Variants in PHLDB2 observed in about 807,000 individuals in gnomAD.
PHLDB2 encodes the protein pleckstrin homology-like domain family B member 2.
PHLDB2 carries 71 observed loss-of-function variants against 123.6 expected under a neutral mutation model. The observed-to-expected ratio is 0.57, with a 90% CI of 0.47 to 0.70. The LOEUF (loss-of-function observed/expected upper bound fraction) is 0.70, where lower values mean the gene tolerates loss of function less well. Ranked by LOEUF, PHLDB2 falls within the 30% of genes least tolerant of loss-of-function variation. The pLI, the probability that PHLDB2 is intolerant of heterozygous loss-of-function variation, is 0.00. For synonymous variants in PHLDB2, 547 were observed against 541.6 expected, an observed-to-expected ratio of 1.01 and a Z score of -0.14; for missense variants, 1,446 against 1,519.5, an observed-to-expected ratio of 0.95 and a Z score of 0.80.
chr3:111,865,145 G>A (rs1190711970), intron 1 of PHLDB2, among the ~76,000 whole-genome samples: 2 of 152,208 alleles, frequency 1.3e-5, no homozygotes, highest in African/African-American at 4.8e-5. Context: ...AGAGGGGATT[G>A]AGAAGTGATG....
chr3:111,854,006 G>T (rs2064374254), intron 2 of PHLDB2, among the ~76,000 whole-genome samples: 1 of 152,190 alleles, frequency 6.6e-6, no homozygotes, highest in Non-Finnish European at 1.5e-5. Flanking sequence ...CTGAGACTGG[G>T]TAACTTATAA....
intron 1 of PHLDB2, among the ~76,000 whole-genome samples, chr3:111,873,331 G>A (rs2065438259): frequency 3.3e-5 from 5 of 151,924 alleles, no homozygotes; most frequent in Non-Finnish European, 1.5e-5. Flanking sequence ...TGGGGTAGTA[G>A]GGAATCTGTA....
At chr3:111,770,030 CA>C (rs1438067585) in intron 1 of PHLDB2, among the ~76,000 whole-genome samples, 2 of 152,112 alleles carry the variant, frequency 1.3e-5, no homozygotes, top group South Asian at 4.1e-4. Flanking sequence ...TGTCACTTTC[CA>C]GTATTTCTGT....
intron 5 of PHLDB2, among the ~76,000 whole-genome samples, chr3:111,930,907 A>C (rs773354179): frequency 4.6e-5 from 7 of 152,242 alleles, no homozygotes; most frequent in Non-Finnish European, 7.3e-5. Flanking sequence ...TTACATTTCT[A>C]AAGCCAAATA....
rs558524035 is a variant in PHLDB2, at chr3:111,772,703, G to C, written c.-49+40000G>C. On this transcript the variant is annotated intron_variant, in intron 1 of 17. Transcript: ENST00000393923. ...AATTCACAAGTAAAGGTTGCCGCAA[G>C]AGAATATCCAGGGTCGTTTTCTTTA... Among the ~76,000 whole-genome samples, 6 of 152,338 alleles carry C rather than the reference G, an allele frequency of 3.9e-5. No homozygotes were observed. The South Asian group carries it at 1.0e-3, about 26-fold the overall frequency.
chr3:111,782,417 G>A (rs2060517040), intron 1 of PHLDB2, among the ~76,000 whole-genome samples: 1 of 152,080 alleles, frequency 6.6e-6, no homozygotes, highest in Non-Finnish European at 1.5e-5. Context: ...CCTACCATGA[G>A]CCCCTCAAAA....
intron 1 of PHLDB2, among the ~76,000 whole-genome samples, chr3:111,827,033 T>C (rs1478017205): frequency 2.0e-5 from 3 of 152,170 alleles, no homozygotes; most frequent in Non-Finnish European, 2.9e-5. Flanking sequence ...CATGTCACAA[T>C]GTCCAAGAGA....
intron 1 of PHLDB2, among the ~76,000 whole-genome samples, chr3:111,807,177 C>G (rs1488884726): frequency 6.6e-6 from 1 of 151,804 alleles, no homozygotes; most frequent in African/African-American, 2.4e-5. Flanking sequence ...TTCAATTTTC[C>G]CTTATATACA....
At chr3:111,849,846 A>C (rs1405514364) in intron 2 of PHLDB2, among the ~76,000 whole-genome samples, 1 of 152,120 alleles carries the variant, frequency 6.6e-6, no homozygotes, top group Non-Finnish European at 1.5e-5. Context: ...CCAGCAACTT[A>C]TATGGAGCTG....
intron 16 of PHLDB2, among the ~76,000 whole-genome samples, chr3:111,972,829 G>T (rs2072294297): frequency 6.6e-6 from 1 of 152,050 alleles, no homozygotes; most frequent in African/African-American, 2.4e-5. Context: ...ACAAATCCAT[G>T]TACATTTATT....
At chr3:111,812,589 G>C (rs556835494) in intron 1 of PHLDB2, among the ~76,000 whole-genome samples, 1 of 152,142 alleles carries the variant, frequency 6.6e-6, no homozygotes, top group African/African-American at 2.4e-5. Context: ...ACCATCTCCA[G>C]GCTTAGGATG....
At chr3:111,755,115 T>C (rs1268756175) in intron 1 of PHLDB2, among the ~76,000 whole-genome samples, 1 of 151,016 alleles carries the variant, frequency 6.6e-6, no homozygotes, top group Non-Finnish European at 1.5e-5. Flanking sequence ...AAATTCTCTT[T>C]TTTGGTTGTG....
chr3:111,825,536 C>G (rs1158116237), intron 1 of PHLDB2, among the ~76,000 whole-genome samples: 19 of 152,258 alleles, frequency 1.2e-4, no homozygotes, highest in Admixed American at 1.2e-3. Flanking sequence ...GAGCCTCTGC[C>G]TGATGGGTTC....
intron 1 of PHLDB2, among the ~76,000 whole-genome samples, chr3:111,864,307 T>G (rs2064967367): frequency 6.6e-6 from 1 of 152,240 alleles, no homozygotes; most frequent in Non-Finnish European, 1.5e-5. Context: ...AAAATAACTG[T>G]TGGCTAGAAA....
At chr3:111,785,738 T>C (rs2060655645) in intron 1 of PHLDB2, among the ~76,000 whole-genome samples, 1 of 152,138 alleles carries the variant, frequency 6.6e-6, no homozygotes, top group Non-Finnish European at 1.5e-5. Flanking sequence ...GAAGTCATAA[T>C]TCTACTACTC....
At chr3:111,775,829 T>C (rs1362275196) in intron 1 of PHLDB2, among the ~76,000 whole-genome samples, 1 of 147,586 alleles carries the variant, frequency 6.8e-6, no homozygotes, top group East Asian at 1.9e-4. Context: ...ATCTTACTGC[T>C]AAATTAGTGA....
In PHLDB2 at chr3:111,913,587, C is replaced by G. The variant is rs373042180; in HGVS notation, c.1604C>G (p.Pro535Arg). 154 of 1,614,146 alleles carry G rather than the reference C, an allele frequency of 9.5e-5. 1 individual carries two copies. The South Asian group carries it at 1.1e-3, about 12-fold the overall frequency. ...CAGAGCAGTGCCAGCTTCTTTACCC[C>G]CAGGAGCACCAGGAATGATGAACTA... is the stretch of plus-strand genomic sequence containing the variant. ...LSQSSASFFT[P>R]RSTRNDELLS... is the part of the protein sequence containing the mutation. Residue 535 changes from proline (P) to arginine (R), a missense_variant, in exon 3 of 18, where the codon CCC becomes CGC. Pro to Arg is a moderately radical substitution (Grantham distance 103). Transcript: ENST00000431670.
chr3:111,756,164 T>C (rs1335282357), intron 1 of PHLDB2, among the ~76,000 whole-genome samples: 2 of 152,028 alleles, frequency 1.3e-5, no homozygotes, highest in Non-Finnish European at 2.9e-5. Context: ...TAGATGTCTA[T>C]TAGGTCCGCT....
chr3:111,866,336 A>G (rs907582305), intron 1 of PHLDB2, among the ~76,000 whole-genome samples: 2 of 151,966 alleles, frequency 1.3e-5, no homozygotes, highest in African/African-American at 4.8e-5. Context: ...TCAATTTGTG[A>G]TGTAAAGCGA....
Sources: allele counts gnomAD v4.1 joint callset (sites outside exome capture counted in the v4.1 genomes callset), GRCh38; gene constraint gnomAD v4.1.1; transcripts MANE v1.5; gene names NCBI Gene and HGNC (gene_info 2026-07-23, HGNC 2026-07-21).